Variants in STRADA observed in about 807,000 individuals in gnomAD.
STRADA encodes STE20 related adaptor alpha.
STRADA carries 26 observed loss-of-function variants against 55.0 expected under a neutral mutation model. That is an observed-to-expected ratio of 0.47 (90% CI 0.35 to 0.66). STRADA has a LOEUF of 0.66. STRADA is among the 30% of genes least tolerant of loss of function. STRADA has a pLI of 0.01. For synonymous variants in STRADA, 197 were observed against 210.9 expected (o/e 0.93, Z 0.57); for missense variants, 443 against 549.7 (o/e 0.81, Z 1.94).
intron 1 of STRADA, among the ~76,000 whole-genome samples, chr17:63,731,236 C>A (rs1268361931): frequency 6.7e-6 from 1 of 150,126 alleles, no homozygotes; most frequent in Non-Finnish European, 1.5e-5. Context: ...ACTCACTGCA[C>A]CTGGCCCTGA....
At chr17:63,733,221 G>C (rs2038192326) in intron 1 of STRADA, among the ~76,000 whole-genome samples, 1 of 152,198 alleles carries the variant, frequency 6.6e-6, no homozygotes, top group Non-Finnish European at 1.5e-5. Flanking sequence ...TTTGCAAAGA[G>C]ATAGGATACC....
At chr17:63,707,214 G>T (rs750572786) in intron 9 of STRADA, 33 bp downstream of exon 9, 2 of 1,611,166 alleles carry the variant, frequency 1.2e-6, no homozygotes, top group South Asian at 1.1e-5. Flanking sequence ...TCATGAGTTG[G>T]GTAGGGGAGC....
intron 1 of STRADA, among the ~76,000 whole-genome samples, chr17:63,734,354 A>G (rs764866474): frequency 3.3e-5 from 5 of 152,238 alleles, no homozygotes; most frequent in African/African-American, 4.8e-5. Flanking sequence ...ATTAAGAATC[A>G]GGGATAGGTT....
intron 1 of STRADA, among the ~76,000 whole-genome samples, chr17:63,734,869 C>A (rs1568224127): frequency 6.6e-6 from 1 of 150,908 alleles, no homozygotes; most frequent in Non-Finnish European, 1.5e-5. Flanking sequence ...TAGAAAAGAG[C>A]AAATTTGGCT....
At chr17:63,717,199 A>T (rs2036948998) in intron 4 of STRADA, 1 of 152,252 alleles carries the variant, frequency 6.6e-6, no homozygotes, top group Non-Finnish European at 1.5e-5. Context: ...AGGAAACAGA[A>T]TCCTAAGCAG....
intron 8 of STRADA, among the ~76,000 whole-genome samples, chr17:63,707,893 G>T (rs2036220652): frequency 7.4e-6 from 1 of 135,708 alleles, no homozygotes; most frequent in African/African-American, 2.8e-5. Context: ...ACCACGCCCG[G>T]CTAATTTTTT....
Position 63,703,733 on chromosome 17 carries a change from C to G in STRADA, c.1162G>C (p.Glu388Gln), listed in dbSNP as rs758581362. The change falls in exon 13 of 13, where the codon GAG (glutamate) becomes CAG (glutamine). Residue 388 changes from glutamate (E) to glutamine (Q), a missense_variant. By Grantham distance (29) the Glu-to-Gln change is conservative. Transcript: ENST00000336174. ...FFKQIKRRAS[E>Q]ALPELLRPVT... Reference sequence around the variant, plus strand: ...GGACGAAGCAATTCGGGCAAAGCCTCTGAGGCACGTCGCTTGATCTGGGGG... The same window carrying G: ...GGACGAAGCAATTCGGGCAAAGCCTGTGAGGCACGTCGCTTGATCTGGGGG... 1 of 1,614,146 alleles carries G rather than the reference C, an allele frequency of 6.2e-7. No individual in the cohort carries two copies. Among genetic ancestry groups the G allele is most frequent in the Admixed American group, 1.7e-5 (1 of 60,020 alleles).
At chr17:63,740,107 T>TATATATACACAC (rs1309095081) in intron 1 of STRADA, among the ~76,000 whole-genome samples, 1 of 49,648 alleles carries the variant, frequency 2.0e-5, no homozygotes, top group Non-Finnish European at 3.7e-5. Flanking sequence ...TATATATATA[T>TATATATACACAC]ACATACATAC....
chr17:63,711,974 G>A (rs906285071), intron 6 of STRADA, among the ~76,000 whole-genome samples: 1 of 152,036 alleles, frequency 6.6e-6, no homozygotes, highest in Non-Finnish European at 1.5e-5. Flanking sequence ...CACAGTTGAT[G>A]GAGGAGAAGG....
intron 2 of STRADA, chr17:63,727,328 A>T (rs2037729620): frequency 6.6e-6 from 1 of 152,490 alleles, no homozygotes; most frequent in South Asian, 2.1e-4. Flanking sequence ...ACGTTGAAGC[A>T]GACAAGGAGC....
At chr17:63,703,839 A>T in intron 12 of STRADA, 88 bp from the exon 13 acceptor site, 1 of 1,609,754 alleles carries the variant, frequency 6.2e-7, no homozygotes, top group Non-Finnish European at 8.5e-7. Flanking sequence ...CTGGTGGCAG[A>T]CGGGCTGTCG....
intron 1 of STRADA, among the ~76,000 whole-genome samples, chr17:63,729,523 G>A (rs2037880695): frequency 6.6e-6 from 1 of 152,080 alleles, no homozygotes; most frequent in African/African-American, 2.4e-5. Context: ...GGTGGCTCAA[G>A]CCTGTAATCC....
rs766158225 is a variant in STRADA at position 63,710,614 on chromosome 17, C to G, written c.458G>C (p.Gly153Ala). Residue 153 changes from glycine to alanine, a missense_variant and splice_region_variant, in exon 8 of 13, where the codon GGT becomes GCT. Coordinates refer to ENST00000336174, the MANE Select transcript of STRADA (RefSeq NM_001003787.4). ...LWVVTSFMAYGSAKDLICTHF... is the reference protein window; with the variant it reads ...LWVVTSFMAYASAKDLICTHF... Reference sequence around the variant, plus strand: ...TGTACAGATGAGATCTTTTGCAGAACCTGCAGAAAAGGATTGCATGGAGGC... The same window carrying G: ...TGTACAGATGAGATCTTTTGCAGAAGCTGCAGAAAAGGATTGCATGGAGGC... 3 of 1,614,008 alleles carry G rather than the reference C, an allele frequency of 1.9e-6. No homozygotes were observed. The highest frequency in any genetic ancestry group is 2.5e-6 in the Non-Finnish European group (3 of 1,179,972).
intron 5 of STRADA, 136 bp from the exon 6 acceptor site, chr17:63,713,663 TC>T (rs2036658917): frequency 9.0e-7 from 1 of 1,111,164 alleles, no homozygotes; most frequent in South Asian, 1.5e-5. Flanking sequence ...TTTTTTTTTT[TC>T]CTTTTCCCAG....
chr17:63,705,833 A>G (rs2036051496), intron 10 of STRADA: 1 of 152,214 alleles, frequency 6.6e-6, no homozygotes, highest in African/African-American at 2.4e-5. Context: ...CCTCCTCCAC[A>G]CAGGTGACTG....
intron 9 of STRADA, 81 bp downstream of exon 9, chr17:63,707,166 C>T: frequency 6.4e-7 from 1 of 1,567,634 alleles, no homozygotes; most frequent in Non-Finnish European, 8.7e-7. Context: ...GGTTGAGAGC[C>T]CCCGACTCCA....
At chr17:63,722,342 C>T (rs1399285147) in intron 4 of STRADA, among the ~76,000 whole-genome samples, 3 of 152,220 alleles carry the variant, frequency 2.0e-5, no homozygotes, top group African/African-American at 7.2e-5. Context: ...CAAATAAACA[C>T]ATTCAACTTC....
At chr17:63,706,988 C>T (rs1339413798) in intron 9 of STRADA, among the ~76,000 whole-genome samples, 2 of 152,204 alleles carry the variant, frequency 1.3e-5, no homozygotes, top group African/African-American at 4.8e-5. Context: ...GCAAACATTT[C>T]CAAAATGCTC....
intron 10 of STRADA, chr17:63,706,412 C>T: frequency 2.0e-6 from 1 of 507,702 alleles, no homozygotes; most frequent in East Asian, 3.1e-5. Flanking sequence ...CACCCCTGCT[C>T]CCGGGCTCCC....
Sources: allele counts gnomAD v4.1 joint callset (sites outside exome capture counted in the v4.1 genomes callset), GRCh38; gene constraint gnomAD v4.1.1; transcripts MANE v1.5; gene names NCBI Gene and HGNC (gene_info 2026-07-23, HGNC 2026-07-21).